Variants in RIMS1 observed in about 807,000 individuals in gnomAD.
The protein encoded by RIMS1 is regulating synaptic membrane exocytosis protein 1.
A neutral mutation model predicts 214.1 loss-of-function variants in RIMS1; 83 were observed. The observed-to-expected ratio is 0.39, with a 90% CI of 0.32 to 0.47. The LOEUF is 0.47. Ranked by LOEUF, RIMS1 falls within the 20% of genes least tolerant of loss-of-function variation. The pLI is 0.99. For synonymous variants in RIMS1, 793 were observed against 786.8 expected (o/e 1.01, Z -0.13); for missense variants, 2,050 against 2,161.8 (o/e 0.95, Z 1.03).
intron 1 of RIMS1, among the ~76,000 whole-genome samples, chr6:71,908,424 A>G (rs907409000): frequency 6.6e-5 from 10 of 152,146 alleles, no homozygotes; most frequent in African/African-American, 2.4e-4. Flanking sequence ...CATCTGCCTC[A>G]GGGATACTGG....
intron 6 of RIMS1, among the ~76,000 whole-genome samples, chr6:72,230,442 AATAG>A (rs1425798845): frequency 3.3e-5 from 5 of 151,668 alleles, no homozygotes; most frequent in African/African-American, 1.2e-4. Context: ...TAAATTGCTA[AATAG>A]ATATTTAATA....
chr6:72,401,898 C>CA lies in RIMS1; in HGVS notation c.*1185dup, dbSNP rs1438491721. On this transcript the variant is annotated 3_prime_UTR_variant, in exon 34 of 34. Transcript: ENST00000521978. ...TACATTTCTTTGAGATTGATGCAAG[C>CA]ACAAAGCTTGATTTTTTAATGCAAA... 1 of 152,642 alleles carries CA rather than the reference C, an allele frequency of 6.6e-6. No individual in the cohort carries two copies. Among genetic ancestry groups the CA allele is most frequent in the Admixed American group, 6.5e-5 (1 of 15,284 alleles). The allele number at this position is 152,642 out of a possible 1,614,324, so 9.5% of individuals were successfully genotyped here. A position where few individuals can be genotyped will look rare whatever the true frequency, so the allele number is the denominator to read the frequency against.
chr6:72,148,722 T>G (rs1588070732), intron 4 of RIMS1: 2 of 438,964 alleles, frequency 4.6e-6, no homozygotes, highest in Admixed American at 5.3e-5. Context: ...GGTTTTTTTT[T>G]TTTTTTCTAG....
At chr6:72,309,224 A>G (rs2095390493) in intron 27 of RIMS1, among the ~76,000 whole-genome samples, 1 of 152,126 alleles carries the variant, frequency 6.6e-6, no homozygotes, top group South Asian at 2.1e-4. Context: ...GACAAAATGA[A>G]GTACTCAGAA....
chr6:71,987,236 T>TA (rs1401140752), intron 2 of RIMS1, among the ~76,000 whole-genome samples: 1 of 152,186 alleles, frequency 6.6e-6, no homozygotes, highest in Admixed American at 6.5e-5. Flanking sequence ...AGGCTGCTAT[T>TA]AAAAAATGCT....
rs571757001 is a variant in RIMS1, at chr6:72,153,979, G to C, written c.472-25596G>C. On this transcript the variant is annotated intron_variant, in intron 4 of 33. Transcript: ENST00000521978. ...AAAATGCAGGAGGAGATGCTATTGA[G>C]AACATAACTCTTACCTAATGAAGGA... Among the ~76,000 whole-genome samples the C allele has an allele frequency of 2.6e-5, 4 of 152,210 alleles. No individual in the cohort carries two copies. The East Asian group carries it at 5.8e-4, about 22-fold the overall frequency.
At chr6:72,273,298 A>T (rs1323088731) in intron 22 of RIMS1, among the ~76,000 whole-genome samples, 1 of 151,922 alleles carries the variant, frequency 6.6e-6, no homozygotes, top group East Asian at 1.9e-4. Flanking sequence ...GTAGGACTAG[A>T]CTCCTTTGGA....
chr6:72,088,217 C>CTTTA (rs3079733), intron 2 of RIMS1, among the ~76,000 whole-genome samples: 38,687 of 142,510 alleles, frequency 0.27, 5,660 homozygotes, highest in Middle Eastern at 0.32. Flanking sequence ...TATTTATTTA[C>CTTTA]TTTATTTATT....
At chr6:72,213,648 G>A (rs55970804) in intron 6 of RIMS1, among the ~76,000 whole-genome samples, 67,593 of 151,986 alleles carry the variant, frequency 0.44, 17,699 homozygotes, top group Non-Finnish European at 0.59. Flanking sequence ...ACAAATTGCA[G>A]TAATCATTAG....
At chr6:72,203,074 G>A (rs893057695) in intron 6 of RIMS1, among the ~76,000 whole-genome samples, 7 of 152,034 alleles carry the variant, frequency 4.6e-5, no homozygotes, top group African/African-American at 9.7e-5. Context: ...TGCATGCTCC[G>A]TCTCCTAGGT....
chr6:72,205,868 A>G (rs999262189), intron 6 of RIMS1, among the ~76,000 whole-genome samples: 7 of 152,162 alleles, frequency 4.6e-5, no homozygotes, highest in African/African-American at 1.7e-4. Flanking sequence ...TTGTGTAGCC[A>G]TGAAAATCTT....
chr6:72,193,856 A>C (rs758282802), intron 6 of RIMS1, among the ~76,000 whole-genome samples: 6 of 152,176 alleles, frequency 3.9e-5, no homozygotes, highest in Non-Finnish European at 7.4e-5. Context: ...ATAATATACA[A>C]AGAAAAGGGA....
Position 72,095,116 on chromosome 6 carries a change from A to ATTT in RIMS1, c.246-1815_246-1813dup, listed in dbSNP as rs71540328. On this transcript the variant is annotated intron_variant, in intron 2 of 33. Coordinates refer to ENST00000521978, the MANE Select transcript of RIMS1 (RefSeq NM_014989.7). Reference sequence around the variant, plus strand: ...ACAGCCACCGCCACCACGCCCGACTATTTTTTTTTTTTTTTTTTTTGTATT... The same window carrying ATTT: ...ACAGCCACCGCCACCACGCCCGACTATTTTTTTTTTTTTTTTTTTTTTTGTATT... Among the ~76,000 whole-genome samples, 1,204 of 98,890 alleles carry ATTT rather than the reference A, an allele frequency of 0.012. 63 individuals are homozygous for ATTT. In the East Asian group the frequency reaches 0.12, roughly 10 times the overall value. 64.9% of individuals were successfully genotyped at this position (98,890 alleles called of 152,430 possible). A position where few individuals can be genotyped will look rare whatever the true frequency, so the allele number is the denominator to read the frequency against.
chr6:72,172,922 C>T (rs1000485289), intron 4 of RIMS1, among the ~76,000 whole-genome samples: 1 of 152,122 alleles, frequency 6.6e-6, no homozygotes, highest in African/African-American at 2.4e-5. Context: ...TCAAAGAGGG[C>T]TCTTCATCAT....
chr6:72,168,691 A>C (rs1324568915), intron 4 of RIMS1, among the ~76,000 whole-genome samples: 1 of 130,176 alleles, frequency 7.7e-6, no homozygotes, highest in Admixed American at 7.8e-5. Flanking sequence ...CTGATATCTT[A>C]TTGGGAAGCT....
At chr6:72,042,619 A>G (rs1228735376) in intron 2 of RIMS1, among the ~76,000 whole-genome samples, 1 of 151,902 alleles carries the variant, frequency 6.6e-6, no homozygotes, top group Non-Finnish European at 1.5e-5. Flanking sequence ...AATTACTAAC[A>G]GTGCTGTATA....
intron 24 of RIMS1, 134 bp downstream of exon 24, chr6:72,284,252 A>G: frequency 1.7e-6 from 1 of 600,698 alleles, no homozygotes; most frequent in East Asian, 2.9e-5. Context: ...AACTAAACCT[A>G]CCCCTAAATG....
At chr6:71,919,197 A>G (rs574985483) in intron 1 of RIMS1, among the ~76,000 whole-genome samples, 1 of 152,220 alleles carries the variant, frequency 6.6e-6, no homozygotes, top group African/African-American at 2.4e-5. Context: ...AGTGCCCACT[A>G]TGGTTGGTGC....
At chr6:72,325,446 T>G (rs1358791360) in intron 28 of RIMS1, among the ~76,000 whole-genome samples, 1 of 150,846 alleles carries the variant, frequency 6.6e-6, no homozygotes, top group Admixed American at 6.6e-5. Flanking sequence ...CCTAGAAGTC[T>G]ATATAAATAT....
Sources: allele counts gnomAD v4.1 joint callset (sites outside exome capture counted in the v4.1 genomes callset), GRCh38; gene constraint gnomAD v4.1.1; transcripts MANE v1.5; gene names NCBI Gene and HGNC (gene_info 2026-07-23, HGNC 2026-07-21).